Variants in DCAF13 observed in about 807,000 individuals in gnomAD.
DCAF13 encodes DDB1- and CUL4-associated factor 13.
A neutral mutation model predicts 59.0 loss-of-function variants in DCAF13; 38 were observed. The ratio of observed to expected loss-of-function variants is 0.64; its 90% CI spans 0.50 to 0.84. The LOEUF is 0.84. Ranked by LOEUF, DCAF13 falls within the 40% of genes least tolerant of loss-of-function variation. The pLI is 0.00. For synonymous variants in DCAF13, 173 were observed against 175.0 expected (o/e 0.99, Z 0.09); for missense variants, 469 against 558.4 (o/e 0.84, Z 1.61).
At position 103,440,134 on chromosome 8, in the gene DCAF13, A is replaced by G. The variant is rs753923613; in HGVS notation, c.951-2A>G. ...GGTTTTAACTTAATTCGTTTTCTAT[A>G]GGGAGGTATATCATACAAAGAGAAT... On this transcript the variant is annotated splice_acceptor_variant, in intron 8 of 10. Coordinates refer to ENST00000612750, the MANE Select transcript of DCAF13 (RefSeq NM_015420.7). LOFTEE classifies it high-confidence loss of function. The G allele has an allele frequency of 1.3e-6, 2 of 1,560,174 alleles. No individual in the cohort carries two copies. Among genetic ancestry groups the G allele is most frequent in the African/African-American group, 2.8e-5 (2 of 71,502 alleles).
At chr8:103,419,992 A>T (rs1184482721) in intron 1 of DCAF13, among the ~76,000 whole-genome samples, 1 of 148,382 alleles carries the variant, frequency 6.7e-6, no homozygotes, top group Non-Finnish European at 1.5e-5. Flanking sequence ...CTGGTGACGG[A>T]GCAAGACTCC....
intron 8 of DCAF13, among the ~76,000 whole-genome samples, chr8:103,436,467 C>T (rs769718872): frequency 5.9e-5 from 9 of 152,056 alleles, no homozygotes; most frequent in Non-Finnish European, 1.0e-4. Context: ...GTGTGTGTCT[C>T]ATTTTGTAAG....
At chr8:103,426,577 A>C (rs1040034791) in intron 4 of DCAF13, among the ~76,000 whole-genome samples, 1 of 152,198 alleles carries the variant, frequency 6.6e-6, no homozygotes, top group African/African-American at 2.4e-5. Context: ...AATCTTATTA[A>C]TGTTTCTACC....
At chr8:103,423,189 T>C (rs373812057) in intron 3 of DCAF13, among the ~76,000 whole-genome samples, 4 of 152,232 alleles carry the variant, frequency 2.6e-5, no homozygotes, top group African/African-American at 9.6e-5. Flanking sequence ...CTTGGATATA[T>C]TGATTAATAG....
rs1015996871 is a variant in DCAF13 at position 103,442,849 on chromosome 8, G to A, written c.1305G>A (p.Glu435=). 1.2e-6 allele frequency: 2 copies of A among 1,608,574 alleles called. No homozygotes were observed. Among genetic ancestry groups the A allele is most frequent in the African/African-American group, 1.3e-5 (1 of 74,846 alleles). Residue 435 remains glutamate (E), a synonymous_variant, in exon 11 of 11, where the codon GAG becomes GAA. Coordinates refer to ENST00000612750, the MANE Select transcript of DCAF13 (RefSeq NM_015420.7). ...SKPGSVPLVS[E]KKKHVVAVVK ...CTGGATCTGTGCCACTTGTGTCAGAGAAGAAGAAACACGTAGTGGCAGTTG... is the reference window on the plus strand; with the variant it reads ...CTGGATCTGTGCCACTTGTGTCAGAAAAGAAGAAACACGTAGTGGCAGTTG...
intron 2 of DCAF13, 178 bp downstream of exon 2, chr8:103,420,641 G>A: frequency 1.6e-6 from 1 of 629,712 alleles, no homozygotes; most frequent in South Asian, 2.1e-5. Flanking sequence ...AATTATAAAT[G>A]CAGTAGTTTA....
intron 1 of DCAF13, among the ~76,000 whole-genome samples, chr8:103,419,889 A>G (rs918325706): frequency 3.9e-5 from 6 of 151,904 alleles, no homozygotes; most frequent in Non-Finnish European, 8.8e-5. Context: ...TGCGCCTGTA[A>G]TCCCAGCTAC....
At chr8:103,436,111 A>G (rs1226700416) in intron 8 of DCAF13, among the ~76,000 whole-genome samples, 2 of 152,144 alleles carry the variant, frequency 1.3e-5, no homozygotes, top group Non-Finnish European at 2.9e-5. Flanking sequence ...TTAATGGACC[A>G]CTGTCGTATA....
intron 9 of DCAF13, chr8:103,440,480 A>T: frequency 2.8e-6 from 1 of 358,700 alleles, no homozygotes; most frequent in Admixed American, 4.7e-5. Flanking sequence ...ATTCAAATTG[A>T]CATTTAAGAC....
chr8:103,437,655 T>A (rs959533016), intron 8 of DCAF13, among the ~76,000 whole-genome samples: 4 of 152,128 alleles, frequency 2.6e-5, no homozygotes, highest in Admixed American at 2.6e-4. Context: ...GCTTGAAAGC[T>A]AGTTCTAATT....
At position 103,427,113 on chromosome 8, in the gene DCAF13, T is replaced by C; in HGVS notation, c.485T>C (p.Ile162Thr). 1 of 1,612,470 alleles carries C rather than the reference T, an allele frequency of 6.2e-7. No homozygotes were observed. The highest frequency in any genetic ancestry group is 8.5e-7 in the Non-Finnish European group (1 of 1,179,498). Reference sequence around the variant, plus strand: ...CTTTTAAAGACAGTGTATACTGGGATTGATCATCACTGGAAAGAAGCTGTT... The same window carrying C: ...CTTTTAAAGACAGTGTATACTGGGACTGATCATCACTGGAAAGAAGCTGTT... ...TILGKTVYTG[I>T]DHHWKEAVFA... is the part of the protein sequence containing the mutation. Residue 162 changes from isoleucine (I) to threonine (T), a missense_variant, in exon 5 of 11, where the codon ATT (isoleucine) becomes ACT (threonine). Ile to Thr is a moderately conservative substitution (Grantham distance 89). This residue lies in a region of DCAF13 where 355 missense variants were observed against 399.1 expected (regional missense o/e 0.89). Transcript: ENST00000612750.
At chr8:103,440,392 A>G (rs1816994193) in intron 9 of DCAF13, 121 bp downstream of exon 9, 1 of 878,542 alleles carries the variant, frequency 1.1e-6, no homozygotes, top group South Asian at 2.1e-5. Context: ...CATAGCTGTG[A>G]TAAAAAAAGC....
At chr8:103,424,543 A>G (rs1816764488) in intron 3 of DCAF13, among the ~76,000 whole-genome samples, 1 of 152,250 alleles carries the variant, frequency 6.6e-6, no homozygotes. Context: ...TGTTCTAGCC[A>G]GGCACATATT....
chr8:103,419,427 C>T (rs374259569), intron 1 of DCAF13, among the ~76,000 whole-genome samples: 3 of 152,184 alleles, frequency 2.0e-5, no homozygotes, highest in Non-Finnish European at 1.5e-5. Context: ...GGCACTTGAA[C>T]TCTTATGTGA....
intron 4 of DCAF13, among the ~76,000 whole-genome samples, chr8:103,426,652 G>T (rs1276694765): frequency 1.3e-5 from 2 of 151,916 alleles, no homozygotes; most frequent in Non-Finnish European, 2.9e-5. Flanking sequence ...TAGAACATTT[G>T]GTCTATCCAT....
At chr8:103,418,868 T>TATATATA (rs1816680417) in intron 1 of DCAF13, among the ~76,000 whole-genome samples, 2 of 12,516 alleles carry the variant, frequency 1.6e-4, no homozygotes, top group Admixed American at 1.2e-3. Context: ...ATATATATAT[T>TATATATA]TTTTTTTTTT....
Position 103,430,683 on chromosome 8 carries a change from G to C in DCAF13, c.696G>C (p.Leu232Phe). 1 of 1,607,444 alleles carries C rather than the reference G, an allele frequency of 6.2e-7. No individual in the cohort carries two copies. The highest frequency in any genetic ancestry group is 8.5e-7 in the Non-Finnish European group (1 of 1,176,726). The change falls in exon 6 of 11, where the codon TTG becomes TTC. Residue 232 changes from leucine (L) to phenylalanine (F), a missense_variant. Coordinates refer to ENST00000612750, the MANE Select transcript of DCAF13 (RefSeq NM_015420.7). Reference protein sequence around the residue: ...VLYDMRQATPLKKVILDMRTN... With the variant: ...VLYDMRQATPFKKVILDMRTN... ...ACGATATGAGGCAAGCTACTCCTTTGAAAAAGGTGAGTTTCAGTTTTGACT... is the reference window on the plus strand; with the variant it reads ...ACGATATGAGGCAAGCTACTCCTTTCAAAAAGGTGAGTTTCAGTTTTGACT...
Position 103,427,117 on chromosome 8 carries a change from T to C in DCAF13, c.489T>C (p.Asp163=). 1 of 1,612,680 alleles carries C rather than the reference T, an allele frequency of 6.2e-7. No homozygotes were observed. Among genetic ancestry groups the C allele is most frequent in the East Asian group, 2.2e-5 (1 of 44,818 alleles). The part of the protein sequence containing the change: ...ILGKTVYTGI[D]HHWKEAVFAT... ...TAAAGACAGTGTATACTGGGATTGA[T>C]CATCACTGGAAAGAAGCTGTTTTTG... The change falls in exon 5 of 11, where the codon GAT becomes GAC. Residue 163 remains aspartate, a synonymous_variant. Coordinates refer to ENST00000612750, the MANE Select transcript of DCAF13 (RefSeq NM_015420.7).
Position 103,440,170 on chromosome 8 carries a change from A to T in DCAF13, c.985A>T (p.Ile329Phe), listed in dbSNP as rs779779163. ...TCATACAAAGAGAATGCAACATGTT[A>T]TCTGTGTAAAATGGACTTCTGACAG... The part of the protein sequence containing the change: ...VYHTKRMQHV[I>F]CVKWTSDSKY... The change falls in exon 9 of 11, where the codon ATC (isoleucine) becomes TTC (phenylalanine). Residue 329 changes from isoleucine to phenylalanine, a missense_variant. Transcript: ENST00000612750. 8.1e-6 allele frequency: 13 copies of T among 1,603,010 alleles called. No individual in the cohort carries two copies. Among genetic ancestry groups the T allele is most frequent in the South Asian group, 4.5e-5 (4 of 88,700 alleles).
Sources: gnomAD v4.1 joint callset for allele counts (sites outside exome capture counted in the v4.1 genomes callset) on GRCh38, gnomAD v4.1.1 for gene constraint, gnomAD v4.1.1 regional missense constraint, MANE v1.5 for transcripts, NCBI Gene and HGNC (gene_info 2026-07-23, HGNC 2026-07-21) for gene names.